Variants in CARMIL1 observed in about 807,000 individuals in gnomAD.
The protein encoded by CARMIL1 is F-actin-uncapping protein LRRC16A.
CARMIL1 carries 90 observed loss-of-function variants against 177.1 expected under a neutral mutation model. That is an observed-to-expected ratio of 0.51 (90% CI 0.43 to 0.61). The LOEUF is 0.61. Among genes scored for constraint, CARMIL1 ranks in the 20% least tolerant of loss-of-function variants. CARMIL1 has a pLI of 0.00. For synonymous variants in CARMIL1, 577 were observed against 606.2 expected, an observed-to-expected ratio of 0.95 and a Z score of 0.71; for missense variants, 1,380 against 1,667.0, an observed-to-expected ratio of 0.83 and a Z score of 3.00.
chr6:25,371,171 C>T (rs1253000964), intron 2 of CARMIL1, among the ~76,000 whole-genome samples: 1 of 152,172 alleles, frequency 6.6e-6, no homozygotes, highest in Non-Finnish European at 1.5e-5. Flanking sequence ...AGTTGATGGG[C>T]ACTTAGGTTG....
intron 36 of CARMIL1, among the ~76,000 whole-genome samples, chr6:25,617,440 TTAAATC>T (rs1759371337): frequency 1.3e-5 from 2 of 152,324 alleles, no homozygotes; most frequent in South Asian, 4.1e-4. Context: ...TGATTATCCT[TTAAATC>T]TAAGAATTAG....
chr6:25,619,510 G>A lies in CARMIL1; in HGVS notation c.4043G>A (p.Ser1348Asn), dbSNP rs1409546431. 2 of 1,613,922 alleles carry A rather than the reference G, an allele frequency of 1.2e-6. No homozygotes were observed. Among genetic ancestry groups the A allele is most frequent in the Non-Finnish European group, 1.7e-6 (2 of 1,179,846 alleles). Residue 1348 changes from serine to asparagine, a missense_variant, in exon 37 of 37, where the codon AGT (serine) becomes AAT (asparagine). Coordinates refer to ENST00000329474, the MANE Select transcript of CARMIL1 (RefSeq NM_017640.6). The part of the protein sequence containing the change: ...EYQEQKQRSS[S>N]KDGHQGSKSN... ...CAAGAACAAAAGCAACGGTCCTCCA[G>A]TAAAGATGGCCATCAAGGCAGCAAA...
At chr6:25,511,728 A>G (rs369799) in intron 20 of CARMIL1, among the ~76,000 whole-genome samples, 66,372 of 152,006 alleles carry the variant, frequency 0.44, 14,891 homozygotes, top group Middle Eastern at 0.52. Context: ...GAGGCCAGGA[A>G]GGATAGACAC....
chr6:25,564,380 T>C (rs1347015527), intron 29 of CARMIL1, among the ~76,000 whole-genome samples: 1 of 152,188 alleles, frequency 6.6e-6, no homozygotes, highest in African/African-American at 2.4e-5. Context: ...TGAGCTCCCA[T>C]GGAATCATTT....
chr6:25,507,757 ACT>A (rs1554212672), intron 17 of CARMIL1, among the ~76,000 whole-genome samples: 1 of 120,994 alleles, frequency 8.3e-6, no homozygotes, highest in South Asian at 2.6e-4. Flanking sequence ...AATTGTGAAG[ACT>A]TAACGCATTT....
At chr6:25,322,495 C>T (rs899601069) in intron 2 of CARMIL1, among the ~76,000 whole-genome samples, 1 of 152,234 alleles carries the variant, frequency 6.6e-6, no homozygotes, top group African/African-American at 2.4e-5. Flanking sequence ...TACAAACACA[C>T]ATATGCACAT....
chr6:25,390,171 A>G (rs904759096), intron 2 of CARMIL1, among the ~76,000 whole-genome samples: 9 of 151,798 alleles, frequency 5.9e-5, no homozygotes, highest in African/African-American at 1.9e-4. Flanking sequence ...TTGCTAATAT[A>G]TGTTAGTAAA....
At chr6:25,479,106 A>G (rs1264901840) in intron 11 of CARMIL1, 1 of 518,848 alleles carries the variant, frequency 1.9e-6, no homozygotes, top group African/African-American at 1.9e-5. Context: ...TGTTTCTCCC[A>G]GAAACCACTA....
At chr6:25,607,694 G>A (rs1419113697) in intron 35 of CARMIL1, among the ~76,000 whole-genome samples, 1 of 152,196 alleles carries the variant, frequency 6.6e-6, no homozygotes, top group Non-Finnish European at 1.5e-5. Context: ...AGAATCCTGT[G>A]TGTCCAAACT....
intron 35 of CARMIL1, among the ~76,000 whole-genome samples, chr6:25,607,314 C>G (rs796975244): frequency 1.9e-4 from 29 of 152,168 alleles, no homozygotes; most frequent in African/African-American, 7.0e-4. Flanking sequence ...TTCACCTCTT[C>G]CCCTTGTTCT....
intron 3 of CARMIL1, among the ~76,000 whole-genome samples, chr6:25,425,364 T>C (rs946179002): frequency 2.8e-4 from 42 of 152,168 alleles, no homozygotes; most frequent in African/African-American, 9.7e-4. Flanking sequence ...CTATTAATAA[T>C]AACTTCATCA....
chr6:25,446,408 C>A (rs1038028936), intron 5 of CARMIL1, among the ~76,000 whole-genome samples: 2 of 152,326 alleles, frequency 1.3e-5, no homozygotes, highest in Middle Eastern at 3.4e-3. Flanking sequence ...TCATCTTGTA[C>A]TTTTACGTTA....
chr6:25,578,859 T>C (rs1043760927), intron 29 of CARMIL1, among the ~76,000 whole-genome samples: 1 of 151,772 alleles, frequency 6.6e-6, no homozygotes, highest in Non-Finnish European at 1.5e-5. Context: ...TTAGAGTGAG[T>C]TTTTCTGATA....
At chr6:25,370,523 A>G (rs1790298776) in intron 2 of CARMIL1, among the ~76,000 whole-genome samples, 2 of 152,204 alleles carry the variant, frequency 1.3e-5, no homozygotes, top group Non-Finnish European at 2.9e-5. Flanking sequence ...ACTGTCTGCC[A>G]TGATGTGCTT....
chr6:25,581,523 T>C, intron 31 of CARMIL1, 84 bp downstream of exon 31: 1 of 1,240,306 alleles, frequency 8.1e-7, no homozygotes, highest in Non-Finnish European at 1.1e-6. Flanking sequence ...TAAAGTGCTT[T>C]GCACAAACAT....
intron 18 of CARMIL1, 63 bp from the exon 19 acceptor site, chr6:25,510,444 T>C (rs1562232112): frequency 6.1e-6 from 6 of 990,766 alleles, no homozygotes; most frequent in Non-Finnish European, 7.5e-6. Context: ...TTAATTGTGT[T>C]CCAGCTGAAA....
chr6:25,340,177 T>G (rs1370062389), intron 2 of CARMIL1, among the ~76,000 whole-genome samples: 1 of 128,778 alleles, frequency 7.8e-6, no homozygotes, highest in Non-Finnish European at 1.7e-5. Flanking sequence ...AGCATCTGAA[T>G]CTGACCTTCT....
At chr6:25,309,209 T>C (rs956612888) in intron 2 of CARMIL1, among the ~76,000 whole-genome samples, 21 of 152,012 alleles carry the variant, frequency 1.4e-4, no homozygotes, top group African/African-American at 5.1e-4. Flanking sequence ...ACAACTTTAT[T>C]AAAGATGTAA....
intron 2 of CARMIL1, among the ~76,000 whole-genome samples, chr6:25,308,869 A>G (rs898207045): frequency 6.6e-6 from 1 of 152,176 alleles, no homozygotes; most frequent in Non-Finnish European, 1.5e-5. Flanking sequence ...GAAGCTTTAC[A>G]TGACTGAGAA....
Sources: allele counts gnomAD v4.1 joint callset (sites outside exome capture counted in the v4.1 genomes callset), GRCh38; gene constraint gnomAD v4.1.1; transcripts MANE v1.5; gene names NCBI Gene and HGNC (gene_info 2026-07-23, HGNC 2026-07-21).